Variants in PTPRG observed in about 807,000 individuals in gnomAD.
PTPRG encodes the protein receptor-type tyrosine-protein phosphatase gamma.
PTPRG carries 102 observed loss-of-function variants against 165.3 expected under a neutral mutation model. The ratio of observed to expected loss-of-function variants is 0.62; its 90% CI spans 0.53 to 0.73. The LOEUF (loss-of-function observed/expected upper bound fraction) is 0.73. PTPRG is among the 30% of genes least tolerant of loss of function. The probability of loss-of-function intolerance (pLI) is 0.00; values close to 1 mark genes in which losing one functional copy is unlikely to be tolerated. For synonymous variants in PTPRG, 675 were observed against 669.5 expected, an observed-to-expected ratio of 1.01 and a Z score of -0.13; for missense variants, 1,866 against 1,861.4, an observed-to-expected ratio of 1.00 and a Z score of -0.05.
chr3:61,928,396 C>A (rs1451376399), intron 2 of PTPRG, among the ~76,000 whole-genome samples: 4 of 152,176 alleles, frequency 2.6e-5, no homozygotes, highest in Admixed American at 1.3e-4. Flanking sequence ...ATTTTCCAAA[C>A]CAGACTTATT....
rs1380294442 is a variant in PTPRG, at chr3:62,203,699, A to G, written c.1904A>G (p.Glu635Gly). The change falls in exon 12 of 30, where the codon GAG becomes GGG. Residue 635 changes from glutamate to glycine, a missense_variant. Transcript: ENST00000474889. The surrounding 1 kb of genome is among the most constrained non-coding windows in gnomAD (Gnocchi z 6.4). Reference protein sequence around the residue: ...PTPSSPNRTAEGGHQTIPGHE... With the variant: ...PTPSSPNRTAGGGHQTIPGHE... ...CCCTCGTCTCCTAACAGGACTGCCG[A>G]GGGAGGGCATCAGACTATACCTGGG... 1 of 1,578,586 alleles carries G rather than the reference A, an allele frequency of 6.3e-7. No homozygotes were observed. Among genetic ancestry groups the G allele is most frequent in the Non-Finnish European group, 8.6e-7 (1 of 1,161,568 alleles).
At chr3:61,783,552 G>T (rs2034605974) in intron 2 of PTPRG, among the ~76,000 whole-genome samples, 2 of 152,286 alleles carry the variant, frequency 1.3e-5, no homozygotes. Context: ...GGTGGACAGG[G>T]AAGATGTCTG....
chr3:61,774,829 GTTA>G (rs1308335200), intron 2 of PTPRG, among the ~76,000 whole-genome samples: 1 of 152,150 alleles, frequency 6.6e-6, no homozygotes, highest in Non-Finnish European at 1.5e-5. Flanking sequence ...CCTTGAAAAG[GTTA>G]TTAGTTAAAA....
chr3:62,056,293 G>C (rs1255106515), intron 4 of PTPRG, among the ~76,000 whole-genome samples: 1 of 152,190 alleles, frequency 6.6e-6, no homozygotes, highest in East Asian at 1.9e-4. Flanking sequence ...AAAGGGTATA[G>C]GAGTGATATT....
chr3:62,017,295 CA>C (rs2041568789), intron 4 of PTPRG, among the ~76,000 whole-genome samples: 1 of 152,138 alleles, frequency 6.6e-6, no homozygotes, highest in Non-Finnish European at 1.5e-5. Flanking sequence ...AATCCTACCC[CA>C]AAAGTATGTC....
intron 1 of PTPRG, among the ~76,000 whole-genome samples, chr3:61,592,479 C>G (rs1007324846): frequency 1.4e-4 from 21 of 152,246 alleles, no homozygotes; most frequent in African/African-American, 4.6e-4. Context: ...TGAATTTTCC[C>G]TTTCTCTGAA....
In PTPRG at chr3:62,271,167, T is replaced by G. The variant is rs1702046549; in HGVS notation, c.3010-216T>G. Among the ~76,000 whole-genome samples, 1 of 152,162 alleles carries G rather than the reference T, an allele frequency of 6.6e-6. No individual in the cohort carries two copies. The highest frequency in any genetic ancestry group is 1.5e-5 in the Non-Finnish European group (1 of 68,024). On this transcript the variant is annotated intron_variant, in intron 20 of 29. Coordinates refer to ENST00000474889, the MANE Select transcript of PTPRG (RefSeq NM_002841.4). This position sits in a 1 kb window ranked among gnomAD's most constrained non-coding sequence, Gnocchi z 4.1. ...TCATTCTTAGTACAATCTTAAACAG[T>G]CTTCTCTTCTAAGTGATAGTGACAC...
intron 12 of PTPRG, among the ~76,000 whole-genome samples, chr3:62,212,069 C>T (rs368783848): frequency 2.0e-5 from 3 of 151,586 alleles, no homozygotes; most frequent in East Asian, 1.9e-4. Flanking sequence ...AGAGAAAGAA[C>T]GGCTGTGGGG....
At chr3:61,831,798 G>C (rs4322995) in intron 2 of PTPRG, among the ~76,000 whole-genome samples, 7,317 of 152,192 alleles carry the variant, frequency 0.048, 298 homozygotes, top group East Asian at 0.21. Context: ...TTGCAAAAAG[G>C]AAATAGTTTT....
intron 1 of PTPRG, among the ~76,000 whole-genome samples, chr3:61,621,051 A>ATATATATATATATG: frequency 2.5e-5 from 3 of 117,946 alleles, no homozygotes; most frequent in Non-Finnish European, 5.4e-5. Flanking sequence ...ATATATATAT[A>ATATATATATATATG]TGTGTGTGTG....
chr3:61,853,648 A>G (rs949702945), intron 2 of PTPRG, among the ~76,000 whole-genome samples: 1 of 152,224 alleles, frequency 6.6e-6, no homozygotes, highest in Non-Finnish European at 1.5e-5. Flanking sequence ...ACCTATAGAG[A>G]TGGTGACAGA....
Position 61,581,627 on chromosome 3 carries a change from T to A in PTPRG, c.85+19255T>A, listed in dbSNP as rs1280244287. On this transcript the variant is annotated intron_variant, in intron 1 of 29. Transcript: ENST00000474889. ...TTTTTTTCTTTTTTTTTTTTTTTTT[T>A]ATGAGACAGTCTCGCTCTGTCCCCC... 8.9e-4 allele frequency among the ~76,000 whole-genome samples: 102 copies of A among 114,680 alleles called. 1 individual carries two copies. The highest frequency in any genetic ancestry group is 3.4e-3 in the African/African-American group (98 of 28,610). The allele number at this position is 114,680 out of a possible 152,430, so 75.2% of individuals were successfully genotyped here. A position where few individuals can be genotyped will look rare whatever the true frequency, so the allele number is the denominator to read the frequency against.
chr3:62,227,964 G>A (rs929157517), intron 13 of PTPRG, among the ~76,000 whole-genome samples: 3 of 152,174 alleles, frequency 2.0e-5, no homozygotes, highest in Admixed American at 6.5e-5. Context: ...CCTTGTGTCC[G>A]TTGGTGGCTG....
rs952118310 is a variant in PTPRG, at chr3:61,891,260, A to AC, written c.191-98364dup. On this transcript the variant is annotated intron_variant, in intron 2 of 29. Coordinates refer to ENST00000474889, the MANE Select transcript of PTPRG (RefSeq NM_002841.4). ...TTGAATCAGGGAGGCGTACCATTGC[A>AC]CTCCAGCCTGGGTGACAGAGCGAGA... 2.6e-5 allele frequency among the ~76,000 whole-genome samples: 4 copies of AC among 152,144 alleles called. No individual in the cohort carries two copies. The East Asian group carries it at 7.7e-4, about 29-fold the overall frequency.
intron 2 of PTPRG, among the ~76,000 whole-genome samples, chr3:61,977,475 A>G (rs948590036): frequency 2.0e-5 from 3 of 152,176 alleles, no homozygotes; most frequent in Admixed American, 2.0e-4. Flanking sequence ...AGTCATCATC[A>G]TTAATGGTTT....
intron 16 of PTPRG, among the ~76,000 whole-genome samples, chr3:62,261,589 G>A (rs1161895578): frequency 6.8e-6 from 1 of 146,350 alleles, no homozygotes; most frequent in Non-Finnish European, 1.5e-5. Flanking sequence ...ATTAATGCCT[G>A]TGGGGCTTTT....
intron 1 of PTPRG, among the ~76,000 whole-genome samples, chr3:61,615,235 A>G (rs1351984536): frequency 6.6e-6 from 1 of 152,204 alleles, no homozygotes. Context: ...AATTGTCCCA[A>G]TGACAGAAGG....
chr3:62,014,262 A>C (rs1414215590), intron 4 of PTPRG, among the ~76,000 whole-genome samples: 1 of 152,150 alleles, frequency 6.6e-6, no homozygotes, highest in Non-Finnish European at 1.5e-5. Context: ...AAAGTTTCAA[A>C]AGCTTCTCAG....
At chr3:61,968,763 G>A (rs925515231) in intron 2 of PTPRG, among the ~76,000 whole-genome samples, 1 of 152,118 alleles carries the variant, frequency 6.6e-6, no homozygotes, top group South Asian at 2.1e-4. Context: ...GGAGGGGAGG[G>A]AATGATATAT....
Sources: gnomAD v4.1 joint callset for allele counts (sites outside exome capture counted in the v4.1 genomes callset) on GRCh38, gnomAD v4.1.1 for gene constraint, Gnocchi (gnomAD v3.1) non-coding constraint, MANE v1.5 for transcripts, NCBI Gene and HGNC (gene_info 2026-07-23, HGNC 2026-07-21) for gene names.